The following HDGFL3 variants were observed in gnomAD, a reference collection of about 807,000 sequenced individuals.
The protein encoded by HDGFL3 is HDGF like 3.
A neutral mutation model predicts 27.6 loss-of-function variants in HDGFL3; 6 were observed. The ratio of observed to expected loss-of-function variants is 0.22; its 90% CI spans 0.12 to 0.43. The LOEUF (loss-of-function observed/expected upper bound fraction) is 0.43. Ranked by LOEUF, HDGFL3 falls within the 20% of genes least tolerant of loss-of-function variation. The pLI, the probability that HDGFL3 is intolerant of heterozygous loss-of-function variation, is 1.00. For missense variants in HDGFL3, 207 were observed against 250.1 expected, an observed-to-expected ratio of 0.83 and a Z score of 1.16; for synonymous variants, 88 against 88.9, an observed-to-expected ratio of 0.99 and a Z score of 0.05.
chr15:83,169,118 C>T (rs2037209595), intron 1 of HDGFL3: 1 of 309,662 alleles, frequency 3.2e-6, no homozygotes. Flanking sequence ...GAACATATCT[C>T]AAAATAAGAG....
intron 1 of HDGFL3, among the ~76,000 whole-genome samples, chr15:83,166,722 T>C (rs2037175724): frequency 6.6e-6 from 1 of 152,066 alleles, no homozygotes; most frequent in Non-Finnish European, 1.5e-5. Flanking sequence ...TCAGGAAACT[T>C]ACAATCATGG....
At chr15:83,151,848 G>C (rs905384037) in intron 4 of HDGFL3, among the ~76,000 whole-genome samples, 1 of 152,178 alleles carries the variant, frequency 6.6e-6, no homozygotes, top group African/African-American at 2.4e-5. Flanking sequence ...TGGCTAATGG[G>C]ATACCCAGAA....
downstream of HDGFL3, chr15:83,126,615 C>T: frequency 1.6e-6 from 1 of 623,854 alleles, no homozygotes; most frequent in Non-Finnish European, 2.8e-6. Context: ...ATATTTCCAT[C>T]ATTGATGAGC....
chr15:83,177,133 G>T (rs2037322801), intron 1 of HDGFL3, among the ~76,000 whole-genome samples: 1 of 152,172 alleles, frequency 6.6e-6, no homozygotes, highest in Admixed American at 6.5e-5. Context: ...TGGCCAGGCT[G>T]GTCTTGAACT....
chr15:83,121,811 A>T (rs1161845953), intron 3 of HDGFL3: 1 of 789,900 alleles, frequency 1.3e-6, no homozygotes, highest in African/African-American at 1.8e-5. Context: ...ATATGTTTTG[A>T]TTGATGTACT....
chr15:83,163,213 G>A (rs1299477281), intron 2 of HDGFL3, among the ~76,000 whole-genome samples: 3 of 152,164 alleles, frequency 2.0e-5, no homozygotes, highest in African/African-American at 7.2e-5. Flanking sequence ...CTTTAAAGTC[G>A]CAGTTGCCAG....
intron 3 of HDGFL3, chr15:83,119,745 A>T: frequency 6.2e-7 from 1 of 1,608,342 alleles, no homozygotes; most frequent in Non-Finnish European, 8.5e-7. Flanking sequence ...GTATGTAAGG[A>T]AACGTTATGC....
At chr15:83,206,709 T>C (rs979952418) in intron 1 of HDGFL3, among the ~76,000 whole-genome samples, 3 of 151,954 alleles carry the variant, frequency 2.0e-5, no homozygotes, top group Admixed American at 2.0e-4. Context: ...CTATCAGAGG[T>C]CGGTTTAAAA....
chr15:83,169,706 C>T (rs1483981475), intron 1 of HDGFL3, among the ~76,000 whole-genome samples: 1 of 151,768 alleles, frequency 6.6e-6, no homozygotes, highest in Non-Finnish European at 1.5e-5. Context: ...GAGGCTGAGA[C>T]ACGAGAATCA....
exon 4 of HDGFL3, chr15:83,112,820 C>G: frequency 6.2e-7 from 1 of 1,614,110 alleles, no homozygotes; most frequent in Non-Finnish European, 8.5e-7. Flanking sequence ...GTAGGGGTTG[C>G]TGCCCTCATC....
intron 3 of HDGFL3, among the ~76,000 whole-genome samples, chr15:83,118,022 A>G (rs957537418): frequency 7.2e-5 from 11 of 152,184 alleles, no homozygotes; most frequent in African/African-American, 2.7e-4. Context: ...TGAAAAAATG[A>G]CCATGTGGTT....
At chr15:83,148,006 G>A (rs1328637062) in intron 5 of HDGFL3, among the ~76,000 whole-genome samples, 1 of 152,094 alleles carries the variant, frequency 6.6e-6, no homozygotes, top group Non-Finnish European at 1.5e-5. Context: ...AACATGGGTG[G>A]TCAATAAACA....
intron 4 of HDGFL3, 104 bp from the exon 5 acceptor site, chr15:83,151,465 T>C (rs996312133): frequency 9.5e-6 from 9 of 942,690 alleles, no homozygotes; most frequent in Non-Finnish European, 1.4e-5. Context: ...GTTTTAGTGG[T>C]TGATAGAGGA....
rs1226424207 is a variant in HDGFL3 at position 83,142,522 on chromosome 15, T to C, written c.607-3247A>G. ...GGGAACAATGGACACTAGGGCCTAC[T>C]GGAGGGTAAAGGAGAGGAGGAAGAG... On this transcript the variant is annotated intron_variant, in intron 5 of 5. Coordinates refer to ENST00000299633, the MANE Select transcript of HDGFL3 (RefSeq NM_016073.4). 2.6e-5 allele frequency among the ~76,000 whole-genome samples: 4 copies of C among 152,132 alleles called. No homozygotes were observed. The East Asian group carries it at 7.7e-4, about 29-fold the overall frequency.
intron 1 of HDGFL3, among the ~76,000 whole-genome samples, chr15:83,182,458 T>C (rs1273617118): frequency 2.0e-5 from 3 of 152,216 alleles, no homozygotes; most frequent in Non-Finnish European, 4.4e-5. Flanking sequence ...AAACCAACTA[T>C]GGCATATTCA....
intron 5 of HDGFL3, among the ~76,000 whole-genome samples, chr15:83,142,255 T>C (rs754613611): frequency 2.0e-5 from 3 of 152,056 alleles, no homozygotes; most frequent in Non-Finnish European, 4.4e-5. Context: ...TATACAATAG[T>C]AAAGAAATGG....
intron 1 of HDGFL3, among the ~76,000 whole-genome samples, chr15:83,195,896 G>A (rs2037564767): frequency 6.6e-6 from 1 of 151,858 alleles, no homozygotes; most frequent in South Asian, 2.1e-4. Flanking sequence ...TGAAATAAAA[G>A]CAAAAATGAA....
At chr15:83,152,682 CG>C (rs2036977741) in intron 4 of HDGFL3, among the ~76,000 whole-genome samples, 4 of 116,022 alleles carry the variant, frequency 3.4e-5, no homozygotes, top group Admixed American at 1.0e-4. Context: ...GACTCTGTCT[CG>C]AAAAAAAAAA....
At chr15:83,115,311 T>G in exon 4 of HDGFL3, 1 of 223,052 alleles carries the variant, frequency 4.5e-6, no homozygotes, top group Admixed American at 5.2e-5. Flanking sequence ...AGAGACGGGG[T>G]TTCAATATGT....
Sources: gnomAD v4.1 joint callset for allele counts (sites outside exome capture counted in the v4.1 genomes callset) on GRCh38, gnomAD v4.1.1 for gene constraint, MANE v1.5 for transcripts, NCBI Gene and HGNC (gene_info 2026-07-23, HGNC 2026-07-21) for gene names.